The following MEIS2 variants were observed in gnomAD, a reference collection of about 807,000 sequenced individuals.
MEIS2 encodes Meis homeobox 2, also known as homeobox protein Meis2.
Under a neutral mutation model 58.6 loss-of-function variants are expected in MEIS2, and 9 were observed. The ratio of observed to expected loss-of-function variants is 0.15; its 90% CI spans 0.09 to 0.27. MEIS2 has a LOEUF of 0.27. Among genes scored for constraint, MEIS2 ranks in the 10% least tolerant of loss-of-function variants. The pLI, the probability that MEIS2 is intolerant of heterozygous loss-of-function variation, is 1.00. For missense variants in MEIS2, 427 were observed against 635.0 expected (o/e 0.67, Z 3.52); for synonymous variants, 221 against 228.4 (o/e 0.97, Z 0.29).
chr15:37,096,767 T>C (rs1249170302), intron 2 of MEIS2, among the ~76,000 whole-genome samples: 2 of 151,278 alleles, frequency 1.3e-5, no homozygotes, highest in African/African-American at 4.9e-5. Context: ...TCTGATCCAC[T>C]CCCCACACTA....
chr15:37,066,271 A>G (rs576973890), intron 7 of MEIS2: 22 of 152,254 alleles, frequency 1.4e-4, no homozygotes, highest in Non-Finnish European at 3.2e-4. Flanking sequence ...GGGTTGTAAT[A>G]AAGAAATAAT....
chr15:36,959,167 C>T (rs552139791), intron 8 of MEIS2, among the ~76,000 whole-genome samples: 2 of 152,282 alleles, frequency 1.3e-5, no homozygotes, highest in African/African-American at 4.8e-5. Context: ...TAAGATGTCC[C>T]TGATTTCTCC....
chr15:37,000,115 G>A (rs1479148768), intron 8 of MEIS2, among the ~76,000 whole-genome samples: 2 of 152,152 alleles, frequency 1.3e-5, no homozygotes, highest in Non-Finnish European at 2.9e-5. Flanking sequence ...TGATAGCTAA[G>A]GCAATCACCT....
chr15:37,098,417 A>T (rs1368809964), intron 1 of MEIS2: 2 of 1,214,024 alleles, frequency 1.6e-6, no homozygotes, highest in Non-Finnish European at 2.1e-6. Flanking sequence ...AGAGAGAGAG[A>T]GAGAGAGAAA....
At chr15:36,998,709 G>A (rs1244382668) in intron 8 of MEIS2, among the ~76,000 whole-genome samples, 2 of 151,970 alleles carry the variant, frequency 1.3e-5, no homozygotes, top group African/African-American at 2.4e-5. Context: ...AACTATTTTC[G>A]GCCATAAGAA....
intron 8 of MEIS2, among the ~76,000 whole-genome samples, chr15:37,021,173 A>G (rs2061514220): frequency 6.6e-6 from 1 of 152,188 alleles, no homozygotes; most frequent in Non-Finnish European, 1.5e-5. Context: ...ATACTCTTCT[A>G]CTAAAATTAT....
intron 7 of MEIS2, among the ~76,000 whole-genome samples, chr15:37,043,308 A>G (rs1478650203): frequency 6.6e-6 from 1 of 152,182 alleles, no homozygotes; most frequent in African/African-American, 2.4e-5. Flanking sequence ...TTGTAGCAAT[A>G]AAAATTTACC....
chr15:36,949,293 T>C (rs2058676078), intron 9 of MEIS2, among the ~76,000 whole-genome samples: 1 of 151,486 alleles, frequency 6.6e-6, no homozygotes, highest in Non-Finnish European at 1.5e-5. Flanking sequence ...GAGAAAAAAA[T>C]GAATCACAGA....
At chr15:36,949,813 C>T (rs1478547251) in intron 9 of MEIS2, among the ~76,000 whole-genome samples, 1 of 151,774 alleles carries the variant, frequency 6.6e-6, no homozygotes, top group Non-Finnish European at 1.5e-5. Context: ...TCTACCAAAT[C>T]GCAAAAATGG....
At chr15:36,949,880 A>C (rs78430633) in intron 9 of MEIS2, among the ~76,000 whole-genome samples, 16,797 of 151,934 alleles carry the variant, frequency 0.11, 931 homozygotes, top group African/African-American at 0.14. Context: ...CTATTAGGAG[A>C]TACTAAAAAG....
At chr15:37,016,821 C>T (rs2141657029) in intron 8 of MEIS2, among the ~76,000 whole-genome samples, 1 of 152,260 alleles carries the variant, frequency 6.6e-6, no homozygotes, top group South Asian at 2.1e-4. Context: ...ATTTCCACCC[C>T]CTCAATGAAA....
intron 8 of MEIS2, among the ~76,000 whole-genome samples, chr15:37,013,462 C>A (rs1232424229): frequency 6.6e-6 from 1 of 151,658 alleles, no homozygotes. Flanking sequence ...ATCCCAGCTA[C>A]TCCAGAGACT....
intron 1 of MEIS2, 85 bp downstream of exon 1, chr15:37,099,370 A>G (rs1894822990): frequency 3.2e-6 from 5 of 1,577,958 alleles, no homozygotes; most frequent in Admixed American, 1.9e-5. Context: ...CAGCAGCAGA[A>G]GCGTTGAAGG....
intron 9 of MEIS2, among the ~76,000 whole-genome samples, chr15:36,941,065 C>G (rs1402832483): frequency 6.6e-6 from 1 of 152,172 alleles, no homozygotes; most frequent in Non-Finnish European, 1.5e-5. Context: ...GCAACCCATT[C>G]CACCTAACAC....
chr15:36,971,116 G>A (rs1230440751), intron 8 of MEIS2, among the ~76,000 whole-genome samples: 1 of 151,808 alleles, frequency 6.6e-6, no homozygotes, highest in Non-Finnish European at 1.5e-5. Context: ...GGGGGTGGGG[G>A]ATGTAAAGTC....
intron 8 of MEIS2, among the ~76,000 whole-genome samples, chr15:36,979,901 T>G (rs941082356): frequency 6.7e-6 from 1 of 148,800 alleles, no homozygotes; most frequent in Non-Finnish European, 1.5e-5. Context: ...ATATATATAT[T>G]ACTCTAAAGG....
chr15:36,979,757 CAT>C (rs1373959573), intron 8 of MEIS2, among the ~76,000 whole-genome samples: 2 of 146,204 alleles, frequency 1.4e-5, no homozygotes, highest in East Asian at 2.0e-4. Context: ...ATATATATAA[CAT>C]ATATATATTA....
At chr15:37,058,898 T>A (rs1888808091) in intron 7 of MEIS2, among the ~76,000 whole-genome samples, 1 of 152,030 alleles carries the variant, frequency 6.6e-6, no homozygotes, top group Admixed American at 6.6e-5. Flanking sequence ...ACCCCATTTT[T>A]AAAGCAAACA....
chr15:37,078,707 T>C (rs928391581), intron 7 of MEIS2, among the ~76,000 whole-genome samples: 5 of 150,326 alleles, frequency 3.3e-5, no homozygotes, highest in Non-Finnish European at 5.9e-5. Flanking sequence ...GTAAAAATTA[T>C]CAGGCTAAAA....
Sources: gnomAD v4.1 joint callset for allele counts (sites outside exome capture counted in the v4.1 genomes callset) on GRCh38, gnomAD v4.1.1 for gene constraint, MANE v1.5 for transcripts, NCBI Gene and HGNC (gene_info 2026-07-23, HGNC 2026-07-21) for gene names.